Variants in RBFOX1 observed in about 807,000 individuals in gnomAD.
RBFOX1 encodes the protein RNA binding fox-1 homolog 1.
In RBFOX1, 8 loss-of-function variants were observed where a neutral mutation model predicts 57.7. That is an observed-to-expected ratio of 0.14 (90% CI 0.08 to 0.25). The LOEUF is 0.25. RBFOX1 is among the 10% of genes least tolerant of loss of function. The pLI, the probability that RBFOX1 is intolerant of heterozygous loss-of-function variation, is 1.00. For synonymous variants in RBFOX1, 326 were observed against 222.4 expected (o/e 1.47, Z -4.15); for missense variants, 611 against 548.5 (o/e 1.11, Z -1.14).
chr16:6,019,423 G>A lies in RBFOX1; in HGVS notation c.-696G>A, dbSNP rs975162755. 1.4e-4 allele frequency: 134 copies of A among 987,766 alleles called. No individual in the cohort carries two copies. Among genetic ancestry groups the A allele is most frequent in the Non-Finnish European group, 1.5e-4 (128 of 831,840 alleles). The allele number at this position is 987,766 out of a possible 1,614,324, so 61.2% of individuals were successfully genotyped here. ...CGCGGAGGGTGGCGGACGGCGGACG[G>A]AGCCCAGGGGCCGCGTCGGGTGGGG... is the stretch of plus-strand genomic sequence containing the variant. On this transcript the variant is annotated 5_prime_UTR_variant, in exon 1 of 16. Coordinates refer to ENST00000550418, the MANE Select transcript of RBFOX1 (RefSeq NM_018723.4). The surrounding 1 kb of genome is among the most constrained non-coding windows in gnomAD (Gnocchi z 4.2).
chr16:7,321,803 T>C (rs987807636), intron 4 of RBFOX1, among the ~76,000 whole-genome samples: 1 of 152,190 alleles, frequency 6.6e-6, no homozygotes, highest in African/African-American at 2.4e-5. Flanking sequence ...CCCCAGGGTG[T>C]CCCACAAGGA....
intron 4 of RBFOX1, among the ~76,000 whole-genome samples, chr16:7,299,997 A>G (rs987616715): frequency 6.6e-6 from 1 of 152,230 alleles, no homozygotes; most frequent in Non-Finnish European, 1.5e-5. Context: ...GGCTTATGCA[A>G]TAAGATTGGA....
intron 4 of RBFOX1, among the ~76,000 whole-genome samples, chr16:5,871,173 C>T (rs188096640): frequency 5.9e-5 from 9 of 152,316 alleles, no homozygotes; most frequent in South Asian, 4.1e-4. Context: ...TATTGAGAAA[C>T]GTTAAAAACC....
At chr16:5,873,541 G>T (rs1047513205) in intron 4 of RBFOX1, among the ~76,000 whole-genome samples, 1 of 152,198 alleles carries the variant, frequency 6.6e-6, no homozygotes, top group African/African-American at 2.4e-5. Context: ...GATATGGTTA[G>T]TGTTTTGTAA....
At chr16:5,594,067 G>T (rs886528563) in intron 2 of RBFOX1, among the ~76,000 whole-genome samples, 4 of 152,040 alleles carry the variant, frequency 2.6e-5, no homozygotes, top group Non-Finnish European at 1.5e-5. Context: ...CACAATGTTG[G>T]TCCACGTAGG....
At chr16:5,743,164 G>C (rs1265487845) in intron 3 of RBFOX1, among the ~76,000 whole-genome samples, 1 of 152,124 alleles carries the variant, frequency 6.6e-6, no homozygotes. Context: ...AGATATATGG[G>C]TTACAGGTAC....
chr16:5,862,735 C>CT (rs1191589614), intron 3 of RBFOX1, among the ~76,000 whole-genome samples: 7 of 152,120 alleles, frequency 4.6e-5, no homozygotes, highest in Non-Finnish European at 1.0e-4. Flanking sequence ...CCTTCCTGTG[C>CT]TTGAGCCATT....
intron 2 of RBFOX1, among the ~76,000 whole-genome samples, chr16:6,562,086 G>T (rs903524158): frequency 3.9e-5 from 6 of 152,160 alleles, no homozygotes; most frequent in Non-Finnish European, 8.8e-5. Flanking sequence ...ATGTTCAGCT[G>T]CATTTCTACT....
intron 3 of RBFOX1, among the ~76,000 whole-genome samples, chr16:5,689,668 A>T (rs2050608856): frequency 6.6e-6 from 1 of 152,192 alleles, no homozygotes; most frequent in Non-Finnish European, 1.5e-5. Flanking sequence ...ACATTCACTT[A>T]TTCAGTCATT....
chr16:6,591,932 C>T (rs1356052358), intron 2 of RBFOX1, among the ~76,000 whole-genome samples: 2 of 152,200 alleles, frequency 1.3e-5, no homozygotes, highest in African/African-American at 4.8e-5. Flanking sequence ...ACTGGCTTCA[C>T]AGAAGACAGA....
chr16:6,191,615 G>A (rs2097142344), intron 1 of RBFOX1, among the ~76,000 whole-genome samples: 1 of 152,150 alleles, frequency 6.6e-6, no homozygotes, highest in Admixed American at 6.6e-5. Context: ...AACTGAGAAA[G>A]GGTAAGAAAA....
intron 3 of RBFOX1, among the ~76,000 whole-genome samples, chr16:5,732,387 C>G (rs2052410119): frequency 1.3e-5 from 2 of 152,166 alleles, no homozygotes; most frequent in Non-Finnish European, 2.9e-5. Flanking sequence ...CCAGAAGGCT[C>G]AAAGCAACTC....
At chr16:7,326,761 C>T (rs2143758626) in intron 4 of RBFOX1, among the ~76,000 whole-genome samples, 1 of 152,154 alleles carries the variant, frequency 6.6e-6, no homozygotes, top group East Asian at 1.9e-4. Context: ...CAGATCCAAA[C>T]CCAGCCTCTC....
At chr16:5,571,719 ACCT>A (rs1288754689) in intron 2 of RBFOX1, among the ~76,000 whole-genome samples, 3 of 151,936 alleles carry the variant, frequency 2.0e-5, no homozygotes, top group African/African-American at 7.3e-5. Flanking sequence ...ACTGACAACC[ACCT>A]CCTCCTCGCT....
At chr16:6,807,749 G>C (rs1287731429) in intron 3 of RBFOX1, among the ~76,000 whole-genome samples, 1 of 152,032 alleles carries the variant, frequency 6.6e-6, no homozygotes, top group African/African-American at 2.4e-5. Flanking sequence ...CCAGGAGATG[G>C]AGGTTGTAGT....
intron 3 of RBFOX1, among the ~76,000 whole-genome samples, chr16:6,848,430 C>T (rs1354951391): frequency 6.6e-6 from 1 of 152,178 alleles, no homozygotes; most frequent in African/African-American, 2.4e-5. Flanking sequence ...ACAAACACTT[C>T]TGTTGACCAC....
intron 2 of RBFOX1, among the ~76,000 whole-genome samples, chr16:6,635,923 C>T (rs1441130239): frequency 6.6e-6 from 1 of 152,124 alleles, no homozygotes; most frequent in Non-Finnish European, 1.5e-5. Flanking sequence ...AATATTGACA[C>T]ATACATAATG....
At chr16:6,646,096 A>C (rs35409385) in intron 2 of RBFOX1, among the ~76,000 whole-genome samples, 7,499 of 92,940 alleles carry the variant, frequency 0.081, 233 homozygotes, top group East Asian at 0.13. Context: ...TTCATACTTA[A>C]CACTTTTAAG....
chr16:6,742,368 C>G (rs991293537), intron 3 of RBFOX1, among the ~76,000 whole-genome samples: 2 of 152,110 alleles, frequency 1.3e-5, no homozygotes, highest in Non-Finnish European at 2.9e-5. Context: ...GTGTGTCTCT[C>G]ATATACTGAT....
Sources: allele counts gnomAD v4.1 joint callset (sites outside exome capture counted in the v4.1 genomes callset), GRCh38; gene constraint gnomAD v4.1.1; non-coding constraint Gnocchi (gnomAD v3.1); transcripts MANE v1.5; gene names NCBI Gene and HGNC (gene_info 2026-07-23, HGNC 2026-07-21).